Variants in NEK11 observed in about 807,000 individuals in gnomAD.
The protein encoded by NEK11 is NIMA related kinase 11, also known as serine/threonine-protein kinase Nek11.
A neutral mutation model predicts 80.7 loss-of-function variants in NEK11; 72 were observed. That is an observed-to-expected ratio of 0.89 (90% confidence interval 0.74 to 1.08). The LOEUF (loss-of-function observed/expected upper bound fraction) is 1.08, where lower values mean the gene tolerates loss of function less well. NEK11 is among the 50% of genes least tolerant of loss of function. The pLI, the probability that NEK11 is intolerant of heterozygous loss-of-function variation, is 0.00. For missense variants in NEK11, 764 were observed against 763.6 expected, an observed-to-expected ratio of 1.00 and a Z score of -0.01; for synonymous variants, 251 against 260.7, an observed-to-expected ratio of 0.96 and a Z score of 0.36.
intron 14 of NEK11, among the ~76,000 whole-genome samples, chr3:131,205,949 G>T (rs2094430253): frequency 6.6e-6 from 1 of 152,124 alleles, no homozygotes. Flanking sequence ...GAATATTGAT[G>T]ATTTTATTGA....
At chr3:131,071,198 A>G (rs1455935524) in intron 3 of NEK11, among the ~76,000 whole-genome samples, 1 of 152,160 alleles carries the variant, frequency 6.6e-6, no homozygotes, top group Non-Finnish European at 1.5e-5. Flanking sequence ...CAGCTTCCAG[A>G]TCAAAGCTAT....
chr3:131,259,810 T>C (rs1343298315), intron 16 of NEK11, among the ~76,000 whole-genome samples: 3 of 152,204 alleles, frequency 2.0e-5, no homozygotes, highest in African/African-American at 7.2e-5. Context: ...GGGCCACAGC[T>C]GGAGGCTGTC....
intron 16 of NEK11, among the ~76,000 whole-genome samples, chr3:131,245,301 TTG>T (rs4044352): frequency 5.6e-4 from 78 of 140,424 alleles, no homozygotes; most frequent in South Asian, 1.3e-3. Flanking sequence ...TAGTATTCCA[TTG>T]TGTGTGTGTG....
At chr3:131,348,335 T>A (rs1438925665) in intron 17 of NEK11, among the ~76,000 whole-genome samples, 2 of 152,120 alleles carry the variant, frequency 1.3e-5, no homozygotes, top group African/African-American at 4.8e-5. Flanking sequence ...AGTGGAACAA[T>A]ATGGAGCCAT....
chr3:131,091,519 C>T (rs2076725509), intron 4 of NEK11, among the ~76,000 whole-genome samples: 1 of 152,170 alleles, frequency 6.6e-6, no homozygotes, highest in African/African-American at 2.4e-5. Context: ...AAATGTCACT[C>T]AGAGAGCATG....
rs1047937349 is a variant in NEK11 at position 131,214,690 on chromosome 3, C to T, written c.1400-13838C>T. Among the ~76,000 whole-genome samples the T allele has an allele frequency of 3.9e-4, 36 of 91,958 alleles. 1 individual carries two copies. The highest frequency in any genetic ancestry group is 1.3e-3 in the African/African-American group (36 of 27,578). The allele number at this position is 91,958 out of a possible 152,430, so 60.3% of individuals were successfully genotyped here. A position where few individuals can be genotyped will look rare whatever the true frequency, so the allele number is the denominator to read the frequency against. On this transcript the variant is annotated intron_variant, in intron 14 of 17. Transcript: ENST00000383366. Reference sequence around the variant, plus strand: ...AGCTTATTTCTGTCACGTGAATGTGCGTGCATGTGTGTGTGTGTGTGTGTG... The same window carrying T: ...AGCTTATTTCTGTCACGTGAATGTGTGTGCATGTGTGTGTGTGTGTGTGTG...
intron 2 of NEK11, among the ~76,000 whole-genome samples, chr3:131,029,370 A>G (rs541162956): frequency 6.6e-6 from 1 of 152,356 alleles, no homozygotes; most frequent in Admixed American, 6.5e-5. Flanking sequence ...CATCCCAGAA[A>G]TTTGTGGAAA....
chr3:131,144,629 A>G (rs905667301), intron 7 of NEK11, among the ~76,000 whole-genome samples: 2 of 152,182 alleles, frequency 1.3e-5, no homozygotes, highest in African/African-American at 4.8e-5. Context: ...AAGTTTGGGA[A>G]ACACTGACAG....
chr3:131,235,731 A>G (rs1363873445), intron 15 of NEK11, among the ~76,000 whole-genome samples: 1 of 152,176 alleles, frequency 6.6e-6, no homozygotes, highest in Non-Finnish European at 1.5e-5. Context: ...TGCAATTAAC[A>G]TCTCTCACCA....
At chr3:131,301,311 A>G (rs2096658533) in intron 17 of NEK11, among the ~76,000 whole-genome samples, 1 of 152,150 alleles carries the variant, frequency 6.6e-6, no homozygotes, top group Non-Finnish European at 1.5e-5. Context: ...ATATAGACTC[A>G]TATTATCTAC....
chr3:131,191,837 C>G (rs1283182272), intron 14 of NEK11, among the ~76,000 whole-genome samples: 2 of 151,962 alleles, frequency 1.3e-5, no homozygotes, highest in Non-Finnish European at 2.9e-5. Context: ...GATCAAAAAC[C>G]TAAAACTATA....
intron 3 of NEK11, among the ~76,000 whole-genome samples, chr3:131,075,166 T>A (rs111516955): frequency 6.6e-6 from 1 of 152,166 alleles, no homozygotes; most frequent in Admixed American, 6.6e-5. Context: ...GTACGTAGAA[T>A]GGACAAGATG....
intron 17 of NEK11, among the ~76,000 whole-genome samples, chr3:131,291,698 A>G (rs1231525579): frequency 1.3e-5 from 2 of 152,186 alleles, no homozygotes; most frequent in Admixed American, 6.5e-5. Context: ...CCCTGATGAC[A>G]TATGATATGG....
chr3:131,096,334 T>C (rs533283217), intron 4 of NEK11, among the ~76,000 whole-genome samples: 1 of 152,172 alleles, frequency 6.6e-6, no homozygotes, highest in Non-Finnish European at 1.5e-5. Context: ...GCTTCATCCA[T>C]GTTGCTGTAG....
At chr3:131,270,359 A>T (rs897353135) in intron 16 of NEK11, among the ~76,000 whole-genome samples, 1 of 152,218 alleles carries the variant, frequency 6.6e-6, no homozygotes, top group East Asian at 1.9e-4. Flanking sequence ...ACCTGGGAAC[A>T]TATGGAAACG....
At chr3:131,105,465 A>G (rs894608495) in intron 4 of NEK11, among the ~76,000 whole-genome samples, 3 of 152,202 alleles carry the variant, frequency 2.0e-5, no homozygotes, top group Non-Finnish European at 4.4e-5. Flanking sequence ...TCCATTCTCA[A>G]TGAAGAAATA....
intron 10 of NEK11, among the ~76,000 whole-genome samples, chr3:131,160,980 C>G (rs571345637): frequency 2.0e-5 from 3 of 151,972 alleles, no homozygotes; most frequent in African/African-American, 7.2e-5. Context: ...GTCAAGAGAT[C>G]GAGACCATCC....
At chr3:131,107,286 A>T (rs1321623120) in intron 4 of NEK11, among the ~76,000 whole-genome samples, 1 of 151,892 alleles carries the variant, frequency 6.6e-6, no homozygotes, top group Non-Finnish European at 1.5e-5. Flanking sequence ...AATTGTGCTT[A>T]TTTTTGGTGT....
chr3:131,038,227 C>G (rs374020052), intron 3 of NEK11, among the ~76,000 whole-genome samples: 2 of 152,072 alleles, frequency 1.3e-5, no homozygotes, highest in East Asian at 3.8e-4. Flanking sequence ...AGAAAGAGTA[C>G]ATTTGAACTT....
Sources: allele counts gnomAD v4.1 joint callset (sites outside exome capture counted in the v4.1 genomes callset), GRCh38; gene constraint gnomAD v4.1.1; transcripts MANE v1.5; gene names NCBI Gene and HGNC (gene_info 2026-07-23, HGNC 2026-07-21).